The following MARCHF6 variants were observed in gnomAD, a reference collection of about 807,000 sequenced individuals.
MARCHF6 encodes membrane associated ring-CH-type finger 6, also known as E3 ubiquitin-protein ligase MARCHF6.
MARCHF6 carries 31 observed loss-of-function variants against 133.7 expected under a neutral mutation model. That is an observed-to-expected ratio of 0.23 (90% CI 0.17 to 0.31). MARCHF6 has a LOEUF of 0.31. Among genes scored for constraint, MARCHF6 ranks in the 10% least tolerant of loss-of-function variants. The pLI, the probability that MARCHF6 is intolerant of heterozygous loss-of-function variation, is 1.00. For synonymous variants in MARCHF6, 395 were observed against 402.5 expected (o/e 0.98, Z 0.22); for missense variants, 723 against 1,121.6 (o/e 0.64, Z 5.08).
intron 9 of MARCHF6, among the ~76,000 whole-genome samples, chr5:10,396,695 C>G (rs1424029829): frequency 1.3e-5 from 2 of 152,056 alleles, no homozygotes; most frequent in Non-Finnish European, 2.9e-5. Context: ...AAGGAATAGG[C>G]AGATAGCTGT....
Position 10,436,237 on chromosome 5 carries a change from A to T in MARCHF6, c.*2553A>T, listed in dbSNP as rs1740650092. ...AAACAAACAATATGAATGGCCAAAAAATTGCCCTCCATTTTACTGGCAGGT... is the reference window on the plus strand; with the variant it reads ...AAACAAACAATATGAATGGCCAAAATATTGCCCTCCATTTTACTGGCAGGT... On this transcript the variant is annotated 3_prime_UTR_variant, in exon 26 of 26. Coordinates refer to ENST00000274140, the MANE Select transcript of MARCHF6 (RefSeq NM_005885.4). 1 of 152,180 alleles carries T rather than the reference A, an allele frequency of 6.6e-6. No individual in the cohort carries two copies. The highest frequency in any genetic ancestry group is 2.4e-5 in the African/African-American group (1 of 41,454). The allele number at this position is 152,180 out of a possible 1,614,324, so 9.4% of individuals were successfully genotyped here. A position where few individuals can be genotyped will look rare whatever the true frequency, so the allele number is the denominator to read the frequency against.
chr5:10,353,788 C>T lies in MARCHF6; in HGVS notation c.-111C>T, dbSNP rs996729576. On this transcript the variant is annotated 5_prime_UTR_variant, in exon 1 of 26. Transcript: ENST00000274140. ...CCTTCCTCTCGCTTCCTCTCTCGCA[C>T]CTGAGCGTACGCACCTGCCCGGGCC... is the stretch of plus-strand genomic sequence containing the variant. 2.1e-6 allele frequency: 2 copies of T among 943,682 alleles called. No individual in the cohort carries two copies. Among genetic ancestry groups the T allele is most frequent in the Non-Finnish European group, 3.2e-6 (2 of 623,418 alleles). The allele number at this position is 943,682 out of a possible 1,614,324, so 58.5% of individuals were successfully genotyped here. A position where few individuals can be genotyped will look rare whatever the true frequency, so the allele number is the denominator to read the frequency against.
chr5:10,404,729 T>C (rs955663073), intron 15 of MARCHF6, among the ~76,000 whole-genome samples: 26 of 152,212 alleles, frequency 1.7e-4, no homozygotes, highest in African/African-American at 6.3e-4. Context: ...CTTTGAAAGA[T>C]TTGAGGAAGA....
At chr5:10,412,696 C>T (rs1006932376) in intron 19 of MARCHF6, among the ~76,000 whole-genome samples, 3 of 152,148 alleles carry the variant, frequency 2.0e-5, no homozygotes, top group African/African-American at 7.2e-5. Context: ...CCTACTCAGC[C>T]GTCCGATTAG....
intron 1 of MARCHF6, among the ~76,000 whole-genome samples, chr5:10,365,218 G>T (rs774029404): frequency 6.6e-6 from 1 of 152,184 alleles, no homozygotes; most frequent in African/African-American, 2.4e-5. Flanking sequence ...AACAGTACAG[G>T]TGAATTTTTA....
chr5:10,426,519 C>G lies in MARCHF6; in HGVS notation c.2503C>G (p.Leu835Val). 1 of 1,613,890 alleles carries G rather than the reference C, an allele frequency of 6.2e-7. No individual in the cohort carries two copies. The change falls in exon 24 of 26, where the codon CTA (leucine) becomes GTA (valine). Residue 835 changes from leucine (L) to valine (V), a missense_variant. Physicochemically the swap from Leu to Val is conservative, Grantham distance 32. Transcript: ENST00000274140. ...CATAGCTTCTGGTGTTGTTCCTTTA[C>G]TAGGTACGTAATGCTGGTTGTGGAG... ...YVIASGVVPL[L>V]GVTAEMQNLV...
chr5:10,355,019 C>T (rs763629568), intron 1 of MARCHF6, among the ~76,000 whole-genome samples: 5 of 152,076 alleles, frequency 3.3e-5, no homozygotes, highest in Non-Finnish European at 7.3e-5. Flanking sequence ...CGCGTTCCAT[C>T]TTCGTAAAAA....
At chr5:10,360,746 G>A (rs1735772898) in intron 1 of MARCHF6, among the ~76,000 whole-genome samples, 1 of 152,184 alleles carries the variant, frequency 6.6e-6, no homozygotes, top group Non-Finnish European at 1.5e-5. Context: ...CTGGGTGGTG[G>A]TGGGAAAGGT....
intron 24 of MARCHF6, among the ~76,000 whole-genome samples, chr5:10,428,357 T>G (rs927042276): frequency 1.0e-5 from 1 of 96,246 alleles, no homozygotes; most frequent in Non-Finnish European, 2.3e-5. Flanking sequence ...TTTTTTTTTT[T>G]GAGAGACGGA....
chr5:10,430,884 G>A (rs1245846258), intron 25 of MARCHF6, among the ~76,000 whole-genome samples: 1 of 152,168 alleles, frequency 6.6e-6, no homozygotes, highest in Non-Finnish European at 1.5e-5. Context: ...GGAAAGCCAA[G>A]GAAAACACCT....
At position 10,434,927 on chromosome 5, in the gene MARCHF6, C is replaced by G. The variant is rs780781496; in HGVS notation, c.*1243C>G. ...TCTGAAAAATCTCAGAGAACTGAAC[C>G]CTTACAAACTTTGTTTTCCCTCATA... On this transcript the variant is annotated 3_prime_UTR_variant, in exon 26 of 26. Transcript: ENST00000274140. 4.6e-5 allele frequency: 7 copies of G among 152,476 alleles called. No homozygotes were observed. Among genetic ancestry groups the G allele is most frequent in the Non-Finnish European group, 7.4e-5 (5 of 68,008 alleles). 9.4% of individuals were successfully genotyped at this position (152,476 alleles called of 1,614,324 possible).
At chr5:10,402,353 TA>T (rs751998419) in intron 12 of MARCHF6, 30 bp from the exon 13 acceptor site, 1 of 1,581,634 alleles carries the variant, frequency 6.3e-7, no homozygotes, top group East Asian at 2.2e-5. Flanking sequence ...TACCTTTAAA[TA>T]CTCAGTTTTT....
At chr5:10,416,718 T>C (rs1739534093) in intron 21 of MARCHF6, among the ~76,000 whole-genome samples, 1 of 152,176 alleles carries the variant, frequency 6.6e-6, no homozygotes, top group South Asian at 2.1e-4. Flanking sequence ...TTATAATGTC[T>C]CCTCTCTGTG....
rs1184055409 is a variant in MARCHF6, at chr5:10,418,378, CT to C, written c.2283+975del. Among the ~76,000 whole-genome samples the C allele has an allele frequency of 2.9e-5, 4 of 136,674 alleles. No individual in the cohort carries two copies. In the East Asian group the frequency reaches 7.9e-4, roughly 27 times the overall value. 89.7% of individuals were successfully genotyped at this position (136,674 alleles called of 152,430 possible). On this transcript the variant is annotated intron_variant, in intron 22 of 25. Coordinates refer to ENST00000274140, the MANE Select transcript of MARCHF6 (RefSeq NM_005885.4). ...CCGGGCGACAAGAGTGAGACCCTGT[CT>C]CCAAAAAAAAAAAAAAAACCAAGAG...
rs1736944375 is a variant in MARCHF6, at chr5:10,378,839, T to G, written c.190+7T>G. 6.3e-7 allele frequency: 1 copy of G among 1,595,210 alleles called. No homozygotes were observed. The highest frequency in any genetic ancestry group is 8.6e-7 in the Non-Finnish European group (1 of 1,165,460). ...AGATTTGCTTTTACACCAAGTAAGT[T>G]CTTTAGACATTTTCACTGCATTTTT... On this transcript the variant is annotated splice_region_variant and intron_variant, in intron 3 of 25. Coordinates refer to ENST00000274140, the MANE Select transcript of MARCHF6 (RefSeq NM_005885.4).
At position 10,353,698 on chromosome 5, in the gene MARCHF6, C is replaced by A; in HGVS notation, c.-201C>A. On this transcript the variant is annotated 5_prime_UTR_variant, in exon 1 of 26. Transcript: ENST00000274140. ...CGCCCAGGCCTCGCCCCTAGGTGTT[C>A]CCGCCCCTCCCCCTCCCGTGTCGCT... 1.8e-4 allele frequency: 41 copies of A among 226,880 alleles called. No individual in the cohort carries two copies. Among genetic ancestry groups the A allele is most frequent in the East Asian group, 5.9e-4 (3 of 5,050 alleles). 14.1% of individuals were successfully genotyped at this position (226,880 alleles called of 1,614,324 possible). A position where few individuals can be genotyped will look rare whatever the true frequency, so the allele number is the denominator to read the frequency against.
intron 24 of MARCHF6, among the ~76,000 whole-genome samples, chr5:10,428,365 G>A (rs535492798): frequency 1.8e-4 from 24 of 133,828 alleles, no homozygotes; most frequent in Admixed American, 1.2e-3. Context: ...TTTGAGAGAC[G>A]GAGTCTCGCT....
At chr5:10,357,682 A>G (rs921703229) in intron 1 of MARCHF6, among the ~76,000 whole-genome samples, 5 of 152,142 alleles carry the variant, frequency 3.3e-5, no homozygotes, top group African/African-American at 1.2e-4. Flanking sequence ...CTTACCACGC[A>G]TTACCTTTCA....
intron 1 of MARCHF6, among the ~76,000 whole-genome samples, chr5:10,372,360 T>C (rs1299410699): frequency 6.6e-6 from 1 of 152,222 alleles, no homozygotes; most frequent in African/African-American, 2.4e-5. Flanking sequence ...TTATAAAATA[T>C]GTTTTGATTT....
Sources: gnomAD v4.1 joint callset for allele counts (sites outside exome capture counted in the v4.1 genomes callset) on GRCh38, gnomAD v4.1.1 for gene constraint, MANE v1.5 for transcripts, NCBI Gene and HGNC (gene_info 2026-07-23, HGNC 2026-07-21) for gene names.